LRRC4C: variants seen among roughly 807,000 people sequenced by gnomAD.
The protein encoded by LRRC4C is leucine-rich repeat-containing protein 4C.
A neutral mutation model predicts 33.6 loss-of-function variants in LRRC4C; 5 were observed. The ratio of observed to expected loss-of-function variants is 0.15; its 90% CI spans 0.08 to 0.31. The LOEUF is 0.31. Ranked by LOEUF, LRRC4C falls within the 10% of genes least tolerant of loss-of-function variation. The pLI is 1.00. For missense variants in LRRC4C, 560 were observed against 796.7 expected, an observed-to-expected ratio of 0.70 and a Z score of 3.58; for synonymous variants, 329 against 302.0, an observed-to-expected ratio of 1.09 and a Z score of -0.93.
At chr11:40,931,846 A>G (rs930811719) in intron 2 of LRRC4C, among the ~76,000 whole-genome samples, 3 of 152,016 alleles carry the variant, frequency 2.0e-5, no homozygotes, top group Non-Finnish European at 4.4e-5. Context: ...TTACATTTTT[A>G]TTTCAGGGAC....
chr11:41,219,449 G>T (rs541135516), intron 1 of LRRC4C, among the ~76,000 whole-genome samples: 1 of 152,194 alleles, frequency 6.6e-6, no homozygotes, highest in African/African-American at 2.4e-5. Context: ...AGCCCATATC[G>T]GAAGACTGCC....
At chr11:40,830,822 T>C (rs1234282496) in intron 2 of LRRC4C, among the ~76,000 whole-genome samples, 2 of 152,124 alleles carry the variant, frequency 1.3e-5, no homozygotes, top group Admixed American at 6.6e-5. Flanking sequence ...GAATTGTTTC[T>C]TTCCCTAACA....
intron 5 of LRRC4C, among the ~76,000 whole-genome samples, chr11:40,213,191 A>T (rs1463777252): frequency 6.6e-6 from 1 of 152,156 alleles, no homozygotes; most frequent in East Asian, 1.9e-4. Flanking sequence ...GTACTGTTAG[A>T]GCAGCAAAGT....
intron 3 of LRRC4C, among the ~76,000 whole-genome samples, chr11:40,475,444 C>T (rs1953164419): frequency 6.6e-6 from 1 of 151,958 alleles, no homozygotes; most frequent in African/African-American, 2.4e-5. Context: ...CACACTGGGG[C>T]CTGTCAGTGA....
chr11:40,937,675 G>C (rs10837530), intron 1 of LRRC4C, among the ~76,000 whole-genome samples: 44,046 of 150,444 alleles, frequency 0.29, 6,562 homozygotes, highest in East Asian at 0.35. Context: ...TTTTGAGACA[G>C]AGTCTCACCC....
At chr11:40,933,117 G>T (rs777095575) in intron 2 of LRRC4C, among the ~76,000 whole-genome samples, 39 of 152,220 alleles carry the variant, frequency 2.6e-4, no homozygotes, top group Non-Finnish European at 5.0e-4. Context: ...GATGGACCAG[G>T]TTGATAGAGA....
intron 2 of LRRC4C, among the ~76,000 whole-genome samples, chr11:40,745,893 G>T (rs1164375635): frequency 6.6e-6 from 1 of 152,082 alleles, no homozygotes; most frequent in African/African-American, 2.4e-5. Flanking sequence ...TTTTAGTTAT[G>T]CAGTTTAAAA....
At chr11:40,187,062 G>A (rs1292621790) in intron 5 of LRRC4C, among the ~76,000 whole-genome samples, 1 of 152,116 alleles carries the variant, frequency 6.6e-6, no homozygotes, top group African/African-American at 2.4e-5. Flanking sequence ...GAGCCGCGGC[G>A]ACTGCCTGGG....
intron 5 of LRRC4C, among the ~76,000 whole-genome samples, chr11:40,167,553 T>C (rs967315694): frequency 1.5e-4 from 23 of 152,240 alleles, no homozygotes; most frequent in African/African-American, 5.3e-4. Flanking sequence ...TTTTCCACTT[T>C]GGGATTTTTT....
intron 1 of LRRC4C, among the ~76,000 whole-genome samples, chr11:41,072,649 A>G (rs1938793218): frequency 6.6e-6 from 1 of 152,086 alleles, no homozygotes; most frequent in Non-Finnish European, 1.5e-5. Flanking sequence ...TTTCTTTATA[A>G]ATTGCCCAGT....
intron 2 of LRRC4C, among the ~76,000 whole-genome samples, chr11:40,764,875 T>A (rs1322988487): frequency 6.6e-6 from 1 of 152,214 alleles, no homozygotes; most frequent in Non-Finnish European, 1.5e-5. Context: ...ACAGCATTAC[T>A]GGTCTTGGGG....
At chr11:41,274,577 G>A (rs1949420993) in intron 1 of LRRC4C, among the ~76,000 whole-genome samples, 1 of 152,090 alleles carries the variant, frequency 6.6e-6, no homozygotes, top group African/African-American at 2.4e-5. Context: ...AAGCTAGCTA[G>A]AGGTTTGTAA....
At chr11:40,158,424 A>C (rs755683771) in intron 5 of LRRC4C, among the ~76,000 whole-genome samples, 8 of 152,152 alleles carry the variant, frequency 5.3e-5, no homozygotes, top group Non-Finnish European at 8.8e-5. Context: ...AAAATTTTAA[A>C]AATTACATTT....
chr11:40,276,629 A>T (rs748744609), intron 4 of LRRC4C, among the ~76,000 whole-genome samples: 2 of 150,958 alleles, frequency 1.3e-5, no homozygotes, highest in Non-Finnish European at 2.9e-5. Flanking sequence ...CTTCAGGAGA[A>T]GTCATGTGGG....
intron 3 of LRRC4C, among the ~76,000 whole-genome samples, chr11:40,346,617 G>T (rs1298358423): frequency 1.3e-5 from 2 of 152,022 alleles, no homozygotes; most frequent in African/African-American, 4.8e-5. Context: ...TTAATACCTG[G>T]GTGATGAAAT....
chr11:40,696,365 T>C (rs1292948484), intron 2 of LRRC4C, among the ~76,000 whole-genome samples: 1 of 145,756 alleles, frequency 6.9e-6, no homozygotes, highest in Non-Finnish European at 1.5e-5. Flanking sequence ...GGTATATATA[T>C]GAGTGTATGT....
chr11:41,325,050 A>G (rs1951067241), intron 1 of LRRC4C, among the ~76,000 whole-genome samples: 1 of 152,212 alleles, frequency 6.6e-6, no homozygotes, highest in Non-Finnish European at 1.5e-5. Flanking sequence ...TATGTTATAT[A>G]ACTGAAGCAA....
intron 2 of LRRC4C, among the ~76,000 whole-genome samples, chr11:40,726,498 T>G (rs187492303): frequency 5.9e-5 from 9 of 152,122 alleles, no homozygotes; most frequent in Admixed American, 5.9e-4. Context: ...TGGTTCAACA[T>G]AGAAAAAACA....
intron 3 of LRRC4C, among the ~76,000 whole-genome samples, chr11:40,530,561 G>C (rs1456091433): frequency 6.6e-6 from 1 of 152,148 alleles, no homozygotes; most frequent in African/African-American, 2.4e-5. Flanking sequence ...AGGACCCTCA[G>C]TAACTATAGA....
Sources: gnomAD v4.1 joint callset for allele counts (sites outside exome capture counted in the v4.1 genomes callset) on GRCh38, gnomAD v4.1.1 for gene constraint, MANE v1.5 for transcripts, NCBI Gene and HGNC (gene_info 2026-07-23, HGNC 2026-07-21) for gene names.